Variants in G6PC2 observed in about 807,000 individuals in gnomAD.
G6PC2 encodes the protein glucose-6-phosphatase 2.
In G6PC2, 41 loss-of-function variants were observed where a neutral mutation model predicts 35.4. The observed-to-expected ratio is 1.16, with a 90% CI of 0.90 to 1.50. The LOEUF (loss-of-function observed/expected upper bound fraction) is 1.50, where lower values mean the gene tolerates loss of function less well. Ranked by LOEUF, G6PC2 falls within the 40% of genes most tolerant of loss-of-function variation. The probability of loss-of-function intolerance (pLI) is 0.00; values close to 1 mark genes in which losing one functional copy is unlikely to be tolerated. For missense variants in G6PC2, 441 were observed against 426.5 expected (o/e 1.03, Z -0.30); for synonymous variants, 165 against 153.2 (o/e 1.08, Z -0.57).
Position 168,901,499 on chromosome 2 carries a change from G to A in G6PC2, c.168G>A (p.Lys56=), listed in dbSNP as rs1457837048. 1 of 1,594,172 alleles carries A rather than the reference G, an allele frequency of 6.3e-7. No individual in the cohort carries two copies. The change falls in exon 1 of 5, where the codon AAG becomes AAA. Residue 56 remains lysine (K), a synonymous_variant. Coordinates refer to ENST00000375363, the MANE Select transcript of G6PC2 (RefSeq NM_021176.3). ...AATTTAATCAGACAGTTGGAACCAAGATGATATGGGTAGCAGTCATTGGGG... is the reference window on the plus strand; with the variant it reads ...AATTTAATCAGACAGTTGGAACCAAAATGATATGGGTAGCAGTCATTGGGG... ...CFQFNQTVGT[K]MIWVAVIGDW...
rs748106178 is a variant in G6PC2, at chr2:168,907,614, G to A, written c.603G>A (p.Thr201=). 10 of 1,613,914 alleles carry A rather than the reference G, an allele frequency of 6.2e-6. No individual in the cohort carries two copies. Among genetic ancestry groups the A allele is most frequent in the East Asian group, 2.2e-5 (1 of 44,880 alleles). The change falls in exon 5 of 5, where the codon ACG becomes ACA. Residue 201 remains threonine (T), a synonymous_variant. Coordinates refer to ENST00000375363, the MANE Select transcript of G6PC2 (RefSeq NM_021176.3). ...EAFEHTPGIQ[T]ASLGTYLKTN... ...TTGAACACACTCCAGGCATCCAAAC[G>A]GCCAGTCTGGGCACATACCTGAAGA...
intron 3 of G6PC2, among the ~76,000 whole-genome samples, chr2:168,906,183 C>T (rs1690706456): frequency 6.6e-6 from 1 of 151,276 alleles, no homozygotes; most frequent in African/African-American, 2.4e-5. Context: ...AAAAATTTGC[C>T]CCAGATGGAA....
At position 168,901,486 on chromosome 2, in the gene G6PC2, C is replaced by A. The variant is rs371294159; in HGVS notation, c.155C>A (p.Thr52Lys). 1.9e-6 allele frequency: 3 copies of A among 1,598,050 alleles called. No homozygotes were observed. Among genetic ancestry groups the A allele is most frequent in the African/African-American group, 1.3e-5 (1 of 74,598 alleles). ...YFPLCFQFNQTVGTKMIWVAV... is the reference protein window; with the variant it reads ...YFPLCFQFNQKVGTKMIWVAV... The stretch of plus-strand genomic sequence containing the variant: ...CCACTTTGTTTTCAATTTAATCAGA[C>A]AGTTGGAACCAAGATGATATGGGTA... The change falls in exon 1 of 5, where the codon ACA (threonine) becomes AAA (lysine). Residue 52 changes from threonine to lysine, a missense_variant. Coordinates refer to ENST00000375363, the MANE Select transcript of G6PC2 (RefSeq NM_021176.3).
intron 1 of G6PC2, among the ~76,000 whole-genome samples, 161 bp downstream of exon 1, chr2:168,901,710 G>C (rs2105849786): frequency 6.6e-6 from 1 of 151,384 alleles, no homozygotes; most frequent in African/African-American, 2.4e-5. Flanking sequence ...ACTTTTAAAA[G>C]GCACAGAAAT....
At chr2:168,907,120 A>G (rs985676376) in intron 4 of G6PC2, among the ~76,000 whole-genome samples, 5 of 152,186 alleles carry the variant, frequency 3.3e-5, no homozygotes, top group African/African-American at 1.2e-4. Context: ...AGCCCTGCAC[A>G]CTGTGCCATT....
rs563271270 is a variant in G6PC2 at position 168,906,786 on chromosome 2, A to C, written c.556+7A>C. Reference sequence around the variant, plus strand: ...ATTCTTGGAGTAATTGGTGGTAAATATGATCACTTACCTTTAGCTGTGTCC... The same window carrying C: ...ATTCTTGGAGTAATTGGTGGTAAATCTGATCACTTACCTTTAGCTGTGTCC... On this transcript the variant is annotated splice_region_variant and intron_variant, in intron 4 of 4. Coordinates refer to ENST00000375363, the MANE Select transcript of G6PC2 (RefSeq NM_021176.3). 4.1e-6 allele frequency: 5 copies of C among 1,232,290 alleles called. No homozygotes were observed. The African/African-American group carries it at 7.4e-5, about 18-fold the overall frequency. The allele number at this position is 1,232,290 out of a possible 1,614,324, so 76.3% of individuals were successfully genotyped here.
chr2:168,908,488 C>T lies in G6PC2; in HGVS notation c.*409C>T. ...ATTCCTTTATCTTCTTAAGGCCAGG[C>T]TGCATCTGATTCCTGTTGACATTTT... On this transcript the variant is annotated 3_prime_UTR_variant, in exon 5 of 5. Coordinates refer to ENST00000375363, the MANE Select transcript of G6PC2 (RefSeq NM_021176.3). 1 of 239,592 alleles carries T rather than the reference C, an allele frequency of 4.2e-6. No individual in the cohort carries two copies. Among genetic ancestry groups the T allele is most frequent in the South Asian group, 6.2e-5 (1 of 16,134 alleles). 14.8% of individuals were successfully genotyped at this position (239,592 alleles called of 1,614,324 possible). A position where few individuals can be genotyped will look rare whatever the true frequency, so the allele number is the denominator to read the frequency against.
chr2:168,902,896 G>A (rs1690630115), intron 2 of G6PC2: 2 of 325,698 alleles, frequency 6.1e-6, no homozygotes, highest in African/African-American at 2.2e-5. Flanking sequence ...TCTTAGAAAT[G>A]TTGGTTAATC....
Position 168,908,107 on chromosome 2 carries a change from T to A in G6PC2, c.*28T>A. 2 of 1,574,074 alleles carry A rather than the reference T, an allele frequency of 1.3e-6. No homozygotes were observed. Among genetic ancestry groups the A allele is most frequent in the Non-Finnish European group, 1.7e-6 (2 of 1,144,916 alleles). On this transcript the variant is annotated 3_prime_UTR_variant, in exon 5 of 5. Coordinates refer to ENST00000375363, the MANE Select transcript of G6PC2 (RefSeq NM_021176.3). ...TGGTGCCTAGAGTTAGTGCTCTGTG[T>A]CACAGATCACCCTTCTCCATCCACC...
chr2:168,907,202 G>T (rs1372445780), intron 4 of G6PC2, among the ~76,000 whole-genome samples: 1 of 152,150 alleles, frequency 6.6e-6, no homozygotes, highest in African/African-American at 2.4e-5. Flanking sequence ...TATTCCTGAA[G>T]CAGTGTTCAC....
intron 2 of G6PC2, among the ~76,000 whole-genome samples, chr2:168,903,270 G>T (rs771416617): frequency 2.6e-5 from 4 of 151,970 alleles, no homozygotes; most frequent in African/African-American, 7.3e-5. Flanking sequence ...TAACATTCTC[G>T]CCAGTTGACA....
At chr2:168,907,099 T>G (rs1690729380) in intron 4 of G6PC2, among the ~76,000 whole-genome samples, 1 of 152,166 alleles carries the variant, frequency 6.6e-6, no homozygotes, top group African/African-American at 2.4e-5. Flanking sequence ...TGAGGGAACT[T>G]AATGACTCTG....
chr2:168,902,945 G>A lies in G6PC2; in HGVS notation c.328+391G>A, dbSNP rs116586460. ...CTTTCAAAGTTACTATAGGTCTTCCGAGTATCTCACGAATGAGGGAGGAGT... is the reference window on the plus strand; with the variant it reads ...CTTTCAAAGTTACTATAGGTCTTCCAAGTATCTCACGAATGAGGGAGGAGT... On this transcript the variant is annotated intron_variant, in intron 2 of 4. Coordinates refer to ENST00000375363, the MANE Select transcript of G6PC2 (RefSeq NM_021176.3). 3.2e-3 allele frequency: 881 copies of A among 271,376 alleles called. 5 individuals carry two copies. The highest frequency in any genetic ancestry group is 4.0e-3 in the Non-Finnish European group (567 of 140,694). 16.8% of individuals were successfully genotyped at this position (271,376 alleles called of 1,614,324 possible). A position where few individuals can be genotyped will look rare whatever the true frequency, so the allele number is the denominator to read the frequency against.
Position 168,908,955 on chromosome 2 carries a change from T to C in G6PC2, c.*876T>C, listed in dbSNP as rs1266356570. 1 of 152,180 alleles carries C rather than the reference T, an allele frequency of 6.6e-6. No homozygotes were observed. The highest frequency in any genetic ancestry group is 1.5e-5 in the Non-Finnish European group (1 of 68,028). The allele number at this position is 152,180 out of a possible 1,614,324, so 9.4% of individuals were successfully genotyped here. ...AGTTCCCTTGAGGATGTTCCACCCA[T>C]GTCAGCCTCCCACAGTGCTGGGATT... On this transcript the variant is annotated 3_prime_UTR_variant, in exon 5 of 5. Transcript: ENST00000375363.
Position 168,907,972 on chromosome 2 carries a change from T to G in G6PC2, c.961T>G (p.Tyr321Asp), listed in dbSNP as rs779619992. 7 of 1,613,964 alleles carry G rather than the reference T, an allele frequency of 4.3e-6. No homozygotes were observed. The East Asian group carries it at 1.6e-4, about 36-fold the overall frequency. The change falls in exon 5 of 5, where the codon TAT becomes GAT. Residue 321 changes from tyrosine (Y) to aspartate (D), a missense_variant. Transcript: ENST00000375363. ...QIPTHEEHLFYVLSFCKSASI... is the reference protein window; with the variant it reads ...QIPTHEEHLFDVLSFCKSASI... Reference sequence around the variant, plus strand: ...CCCGACTCACGAAGAGCATTTATTTTATGTGCTGTCTTTTTGTAAAAGTGC... The same window carrying G: ...CCCGACTCACGAAGAGCATTTATTTGATGTGCTGTCTTTTTGTAAAAGTGC...
In G6PC2 at chr2:168,908,201, C is replaced by T; in HGVS notation, c.*122C>T. 2.4e-6 allele frequency: 2 copies of T among 822,448 alleles called. No individual in the cohort carries two copies. The highest frequency in any genetic ancestry group is 2.8e-5 in the South Asian group (2 of 72,018). 50.9% of individuals were successfully genotyped at this position (822,448 alleles called of 1,614,324 possible). A position where few individuals can be genotyped will look rare whatever the true frequency, so the allele number is the denominator to read the frequency against. On this transcript the variant is annotated 3_prime_UTR_variant, in exon 5 of 5. Transcript: ENST00000375363. ...ACTTCACAGAATAGCGGCACAGGCC[C>T]CATTCCCCATAGAGATGTTTAGTTT... is the stretch of plus-strand genomic sequence containing the variant.
chr2:168,903,606 T>G (rs1690648282), intron 2 of G6PC2, among the ~76,000 whole-genome samples: 1 of 151,974 alleles, frequency 6.6e-6, no homozygotes, highest in African/African-American at 2.4e-5. Flanking sequence ...TATAAGACAT[T>G]TTCTGGAAAG....
chr2:168,907,444 A>G (rs1690736929), intron 4 of G6PC2, 124 bp from the exon 5 acceptor site: 5 of 984,496 alleles, frequency 5.1e-6, no homozygotes, highest in Admixed American at 3.4e-5. Flanking sequence ...GAAAATGGAT[A>G]GAACCTCTGT....
chr2:168,907,491 C>G, intron 4 of G6PC2, 77 bp from the exon 5 acceptor site: 2 of 1,410,824 alleles, frequency 1.4e-6, no homozygotes, highest in Non-Finnish European at 1.0e-6. Flanking sequence ...TGTGGCAAAT[C>G]TTTAATGCAG....
Sources: gnomAD v4.1 joint callset for allele counts (sites outside exome capture counted in the v4.1 genomes callset) on GRCh38, gnomAD v4.1.1 for gene constraint, MANE v1.5 for transcripts, NCBI Gene and HGNC (gene_info 2026-07-23, HGNC 2026-07-21) for gene names.